The following REST variants were observed in gnomAD, a reference collection of about 807,000 sequenced individuals.
The protein encoded by REST is RE1-silencing transcription factor.
Under a neutral mutation model 30.4 loss-of-function variants are expected in REST, and 1 was observed. The ratio of observed to expected loss-of-function variants is 0.03; its 90% CI spans 0.01 to 0.16. The LOEUF (loss-of-function observed/expected upper bound fraction) is 0.16, where lower values mean the gene tolerates loss of function less well. Ranked by LOEUF, REST falls within the 10% of genes least tolerant of loss-of-function variation. The probability of loss-of-function intolerance (pLI) is 1.00; values close to 1 mark genes in which losing one functional copy is unlikely to be tolerated. For missense variants in REST, 1,259 were observed against 1,329.5 expected (o/e 0.95, Z 0.82); for synonymous variants, 504 against 451.1 (o/e 1.12, Z -1.49).
chr4:56,932,410 A>G lies in REST; in HGVS notation c.*258A>G, dbSNP rs1721008100. On this transcript the variant is annotated 3_prime_UTR_variant, in exon 4 of 4. Coordinates refer to ENST00000309042, the MANE Select transcript of REST (RefSeq NM_005612.5). ...ATTGAAATTAGAAGGCTAAGATGGTATAACAGCATTTTATTGCTTTGTCCA... is the reference window on the plus strand; with the variant it reads ...ATTGAAATTAGAAGGCTAAGATGGTGTAACAGCATTTTATTGCTTTGTCCA... 2 of 331,848 alleles carry G rather than the reference A, an allele frequency of 6.0e-6. No homozygotes were observed. Among genetic ancestry groups the G allele is most frequent in the Non-Finnish European group, 1.1e-5 (2 of 183,452 alleles). The allele number at this position is 331,848 out of a possible 1,614,324, so 20.6% of individuals were successfully genotyped here.
At chr4:56,920,198 T>C (rs1720383166) in intron 3 of REST, among the ~76,000 whole-genome samples, 1 of 151,966 alleles carries the variant, frequency 6.6e-6, no homozygotes, top group Non-Finnish European at 1.5e-5. Context: ...ACTTCTCATA[T>C]TTCTCCTAAC....
At chr4:56,916,031 G>A (rs1468747735) in intron 2 of REST, among the ~76,000 whole-genome samples, 3 of 152,164 alleles carry the variant, frequency 2.0e-5, no homozygotes, top group Non-Finnish European at 4.4e-5. Context: ...AACCTGGGAG[G>A]TGGAGGTTGC....
Position 56,932,137 on chromosome 4 carries a change from T to G in REST, c.3279T>G (p.Ala1093=). The change falls in exon 4 of 4, where the codon GCT becomes GCG. Residue 1093 remains alanine (A), a synonymous_variant. Transcript: ENST00000309042. ...ATGTGTACTATCTTGAAGAAGCAGC[T>G]CAAGGGCAGGAGTAATGAAACTTTG... ...LVNVYYLEEA[A]QGQE is the part of the protein sequence containing the mutation. 6.2e-7 allele frequency: 1 copy of G among 1,606,650 alleles called. No individual in the cohort carries two copies. Among genetic ancestry groups the G allele is most frequent in the Non-Finnish European group, 8.5e-7 (1 of 1,175,046 alleles).
intron 3 of REST, among the ~76,000 whole-genome samples, chr4:56,924,663 T>G (rs1720602668): frequency 6.6e-6 from 1 of 151,712 alleles, no homozygotes; most frequent in East Asian, 1.9e-4. Context: ...AGTCTTACTA[T>G]GTTGGCCCAG....
At chr4:56,909,299 T>A (rs2109519166) in intron 1 of REST, 1 of 152,416 alleles carries the variant, frequency 6.6e-6, no homozygotes, top group South Asian at 2.1e-4. Flanking sequence ...TTGTGTTTGG[T>A]ATTTTGAGAA....
Position 56,911,209 on chromosome 4 carries a change from A to T in REST, c.571A>T (p.Ser191Cys), listed in dbSNP as rs1719889467. ...TGCTAAGAAATTTTTTGTGGAAGAG[A>T]GTGCAGAGAAGCAGGCAAAAGCCAG... ...HSAKKFFVEE[S>C]AEKQAKARES... is the part of the protein sequence containing the mutation. Residue 191 changes from serine to cysteine, a missense_variant, in exon 2 of 4, where the codon AGT (serine) becomes TGT (cysteine). Ser to Cys is a moderately radical substitution (Grantham distance 112). Transcript: ENST00000309042. 1 of 1,614,050 alleles carries T rather than the reference A, an allele frequency of 6.2e-7. No homozygotes were observed. The highest frequency in any genetic ancestry group is 8.5e-7 in the Non-Finnish European group (1 of 1,180,052).
At chr4:56,929,720 A>T in intron 3 of REST, 121 bp from the exon 4 acceptor site, 1 of 701,436 alleles carries the variant, frequency 1.4e-6, no homozygotes. Flanking sequence ...GGTAAATGTA[A>T]GGTGCATGAT....
At chr4:56,921,469 C>T (rs916711484) in intron 3 of REST, among the ~76,000 whole-genome samples, 3 of 151,890 alleles carry the variant, frequency 2.0e-5, no homozygotes, top group East Asian at 3.9e-4. Flanking sequence ...AGTGCAGTGG[C>T]GCGCATCTCA....
At chr4:56,919,427 A>AT (rs376797685) in intron 2 of REST, among the ~76,000 whole-genome samples, 8 of 152,176 alleles carry the variant, frequency 5.3e-5, no homozygotes, top group Non-Finnish European at 1.2e-4. Context: ...GTTCAGGTAG[A>AT]TTTTTTAAAA....
Position 56,919,807 on chromosome 4 carries a change from G to C in REST, c.919G>C (p.Glu307Gln), listed in dbSNP as rs757320743. The change falls in exon 3 of 4, where the codon GAA becomes CAA. Residue 307 changes from glutamate to glutamine, a missense_variant. Physicochemically the swap from Glu to Gln is conservative, Grantham distance 29. Coordinates refer to ENST00000309042, the MANE Select transcript of REST (RefSeq NM_005612.5). ...THTGERPYKC[E>Q]LCPYSSSQKT... ...TGCAGGAGAACGCCCATATAAATGT[G>C]AACTTTGTCCTTACTCAAGTTCTCA... 4.4e-6 allele frequency: 7 copies of C among 1,607,204 alleles called. No individual in the cohort carries two copies. Among genetic ancestry groups the C allele is most frequent in the Non-Finnish European group, 5.1e-6 (6 of 1,175,232 alleles).
chr4:56,918,591 C>T (rs1430288907), intron 2 of REST, among the ~76,000 whole-genome samples: 1 of 152,122 alleles, frequency 6.6e-6, no homozygotes, highest in Non-Finnish European at 1.5e-5. Flanking sequence ...CAGGCTCTCT[C>T]TCTGTACTCC....
In REST at chr4:56,910,806, G is replaced by A. The variant is rs1395757463; in HGVS notation, c.168G>A (p.Gly56=). 1.2e-6 allele frequency: 2 copies of A among 1,614,160 alleles called. No homozygotes were observed. The highest frequency in any genetic ancestry group is 8.5e-7 in the Non-Finnish European group (1 of 1,180,036). Residue 56 remains glycine, a synonymous_variant, in exon 2 of 4, where the codon GGG becomes GGA. Coordinates refer to ENST00000309042, the MANE Select transcript of REST (RefSeq NM_005612.5). The part of the protein sequence containing the change: ...LIMLANVALT[G]EVNGSCCDYL... ...TGCTGGCAAATGTGGCCTTAACTGG[G>A]GAAGTAAATGGCAGCTGCTGTGATT... is the stretch of plus-strand genomic sequence containing the variant.
intron 2 of REST, among the ~76,000 whole-genome samples, chr4:56,915,981 A>G (rs1050547855): frequency 1.3e-5 from 2 of 152,186 alleles, no homozygotes; most frequent in Non-Finnish European, 2.9e-5. Flanking sequence ...CACGCCTGTA[A>G]TCCTAGCACT....
In REST at chr4:56,935,365, T is replaced by C. The variant is rs146294652; in HGVS notation, c.*3213T>C. The C allele has an allele frequency of 1.1e-3, 175 of 152,354 alleles. No homozygotes were observed. The highest frequency in any genetic ancestry group is 3.9e-3 in the African/African-American group (163 of 41,578). 9.4% of individuals were successfully genotyped at this position (152,354 alleles called of 1,614,324 possible). On this transcript the variant is annotated 3_prime_UTR_variant, in exon 4 of 4. Transcript: ENST00000309042. The stretch of plus-strand genomic sequence containing the variant: ...AGATGAAGTGAACAGATAGTGTTAA[T>C]TCAGATTGAAGAAATTATCTGAATC...
chr4:56,911,003 A>G lies in REST; in HGVS notation c.365A>G (p.Gln122Arg). The change falls in exon 2 of 4, where the codon CAG (glutamine) becomes CGG (arginine). Residue 122 changes from glutamine (Q) to arginine (R), a missense_variant. By Grantham distance (43) the Gln-to-Arg change is conservative. Around this residue, in one of 5 missense-constraint regions of REST, gnomAD observed 249 missense variants for 251.5 expected, o/e 0.99. Transcript: ENST00000309042. The stretch of plus-strand genomic sequence containing the variant: ...TTGGAACTCAGCGTCGTAGAACCTC[A>G]GCCTGTATTTGAGGCATCAGGTGCT... Reference protein sequence around the residue: ...RSLELSVVEPQPVFEASGAPD... With the variant: ...RSLELSVVEPRPVFEASGAPD... The G allele has an allele frequency of 1.2e-6, 2 of 1,614,218 alleles. No homozygotes were observed. The highest frequency in any genetic ancestry group is 1.7e-6 in the Non-Finnish European group (2 of 1,180,038).
chr4:56,924,628 T>TC (rs569111872), intron 3 of REST, among the ~76,000 whole-genome samples: 79 of 151,966 alleles, frequency 5.2e-4, no homozygotes, highest in African/African-American at 1.7e-3. Flanking sequence ...TGTTTTTTTT[T>TC]TTTCTTTCTT....
Position 56,914,643 on chromosome 4 carries a change from A to G in REST, c.898+3107A>G, listed in dbSNP as rs114960600. On this transcript the variant is annotated intron_variant, in intron 2 of 3. Transcript: ENST00000309042. ...TACAATATCTTAAATCCCAGCCATCATATATACTAAACTCATAAATAAGTA... is the reference window on the plus strand; with the variant it reads ...TACAATATCTTAAATCCCAGCCATCGTATATACTAAACTCATAAATAAGTA... Among the ~76,000 whole-genome samples the G allele has an allele frequency of 8.1e-3, 1,233 of 152,306 alleles. 22 individuals are homozygous for G. Among genetic ancestry groups the G allele is most frequent in the African/African-American group, 0.028 (1,158 of 41,556 alleles).
chr4:56,927,725 T>G (rs766587557), intron 3 of REST: 2 of 737,346 alleles, frequency 2.7e-6, no homozygotes, highest in Non-Finnish European at 3.8e-6. Context: ...GGGGTTCTGG[T>G]TTTTTATGTA....
In REST at chr4:56,930,395, T is replaced by G; in HGVS notation, c.1537T>G (p.Phe513Val). ...DVHTGSNSEKFSKTKKSKRKL... is the reference protein window; with the variant it reads ...DVHTGSNSEKVSKTKKSKRKL... ...GCATACAGGAAGCAATTCAGAAAAATTCAGTAAAACTAAGAAAAGCAAAAG... is the reference window on the plus strand; with the variant it reads ...GCATACAGGAAGCAATTCAGAAAAAGTCAGTAAAACTAAGAAAAGCAAAAG... Residue 513 changes from phenylalanine to valine, a missense_variant, in exon 4 of 4, where the codon TTC (phenylalanine) becomes GTC (valine). Transcript: ENST00000309042. The G allele has an allele frequency of 6.2e-7, 1 of 1,613,528 alleles. No homozygotes were observed. Among genetic ancestry groups the G allele is most frequent in the South Asian group, 1.1e-5 (1 of 91,014 alleles).
Sources: gnomAD v4.1 joint callset for allele counts (sites outside exome capture counted in the v4.1 genomes callset) on GRCh38, gnomAD v4.1.1 for gene constraint, gnomAD v4.1.1 regional missense constraint, MANE v1.5 for transcripts, NCBI Gene and HGNC (gene_info 2026-07-23, HGNC 2026-07-21) for gene names.